The following RBFOX1 variants were observed in gnomAD, a reference collection of about 807,000 sequenced individuals.
RBFOX1 encodes the protein RNA binding protein fox-1 homolog 1.
A neutral mutation model predicts 57.7 loss-of-function variants in RBFOX1; 8 were observed. The observed-to-expected ratio is 0.14, with a 90% CI of 0.08 to 0.25. The LOEUF (loss-of-function observed/expected upper bound fraction) is 0.25. Among genes scored for constraint, RBFOX1 ranks in the 10% least tolerant of loss-of-function variants. RBFOX1 has a pLI of 1.00. For missense variants in RBFOX1, 611 were observed against 548.5 expected (o/e 1.11, Z -1.14); for synonymous variants, 326 against 222.4 (o/e 1.47, Z -4.15).
chr16:5,450,689 A>T (rs1236583157), intron 1 of RBFOX1, among the ~76,000 whole-genome samples: 1 of 152,168 alleles, frequency 6.6e-6, no homozygotes, highest in Non-Finnish European at 1.5e-5. Flanking sequence ...GAAACTTGCC[A>T]CCACCACCGC....
intron 2 of RBFOX1, among the ~76,000 whole-genome samples, chr16:5,584,757 T>G (rs1596345728): frequency 1.3e-5 from 2 of 152,136 alleles, no homozygotes; most frequent in African/African-American, 4.8e-5. Context: ...TGTAGTTCTG[T>G]TACTGCTTGG....
At chr16:6,695,676 A>G (rs1255802982) in intron 3 of RBFOX1, among the ~76,000 whole-genome samples, 1 of 152,072 alleles carries the variant, frequency 6.6e-6, no homozygotes, top group African/African-American at 2.4e-5. Flanking sequence ...TATTGTTAGT[A>G]CTCCATAGAT....
At chr16:7,365,510 G>T (rs148533299) in intron 4 of RBFOX1, among the ~76,000 whole-genome samples, 1 of 152,168 alleles carries the variant, frequency 6.6e-6, no homozygotes, top group Non-Finnish European at 1.5e-5. Context: ...GGGAACATTC[G>T]GAAATGTGTT....
At chr16:5,773,905 G>T (rs1855698286) in intron 3 of RBFOX1, among the ~76,000 whole-genome samples, 1 of 151,980 alleles carries the variant, frequency 6.6e-6, no homozygotes, top group South Asian at 2.1e-4. Context: ...ACCATGTTAG[G>T]TTGGTCTCGA....
Position 6,046,341 on chromosome 16 carries a change from G to T in RBFOX1, c.-127+26349G>T, listed in dbSNP as rs141933276. Among the ~76,000 whole-genome samples the T allele has an allele frequency of 5.8e-4, 89 of 152,258 alleles. 1 individual carries two copies. The highest frequency in any genetic ancestry group is 2.0e-3 in the African/African-American group (83 of 41,544). The stretch of plus-strand genomic sequence containing the variant: ...GCATGAATGACTTCTAGCAAATGCA[G>T]AAATAGTAATGATTTACTCACATGG... On this transcript the variant is annotated intron_variant, in intron 1 of 15. Coordinates refer to ENST00000550418, the MANE Select transcript of RBFOX1 (RefSeq NM_018723.4).
intron 4 of RBFOX1, among the ~76,000 whole-genome samples, chr16:7,314,795 C>T (rs767305401): frequency 2.0e-5 from 3 of 152,178 alleles, no homozygotes; most frequent in Non-Finnish European, 4.4e-5. Context: ...GATAAGTCAA[C>T]AGGAGCTTGA....
intron 4 of RBFOX1, among the ~76,000 whole-genome samples, chr16:7,461,103 C>T (rs980097422): frequency 6.6e-6 from 1 of 152,094 alleles, no homozygotes; most frequent in African/African-American, 2.4e-5. Flanking sequence ...CAGCTGACAA[C>T]TTATGGCAAT....
chr16:7,464,860 C>G (rs936772756), intron 4 of RBFOX1, among the ~76,000 whole-genome samples: 1 of 151,790 alleles, frequency 6.6e-6, no homozygotes, highest in Non-Finnish European at 1.5e-5. Flanking sequence ...CCACGCCTGG[C>G]TAATTTTTTT....
At chr16:6,687,133 G>T (rs572351714) in intron 3 of RBFOX1, among the ~76,000 whole-genome samples, 2 of 152,060 alleles carry the variant, frequency 1.3e-5, no homozygotes, top group Non-Finnish European at 2.9e-5. Context: ...TATTACTTGG[G>T]GCATCCATAG....
chr16:6,919,523 C>G (rs977385862), intron 3 of RBFOX1, among the ~76,000 whole-genome samples: 8 of 151,910 alleles, frequency 5.3e-5, no homozygotes, highest in Admixed American at 2.0e-4. Context: ...ACCATGAAAT[C>G]CCAAGAGAGA....
chr16:7,640,059 C>T (rs536477532), intron 11 of RBFOX1, among the ~76,000 whole-genome samples: 2 of 152,330 alleles, frequency 1.3e-5, no homozygotes, highest in Admixed American at 1.3e-4. Flanking sequence ...TTCTAAGAGG[C>T]TTTTACTAGC....
chr16:5,789,061 C>T (rs7205478), intron 3 of RBFOX1, among the ~76,000 whole-genome samples: 1 of 152,066 alleles, frequency 6.6e-6, no homozygotes. Context: ...GTCCTGGAGT[C>T]CTTGTGCACA....
intron 4 of RBFOX1, among the ~76,000 whole-genome samples, chr16:7,186,246 A>ATATAAG (rs59204834): frequency 1.3e-5 from 1 of 79,520 alleles, no homozygotes. Flanking sequence ...ATTTATATAA[A>ATATAAG]CATAAACATA....
chr16:7,147,238 C>G (rs1433308183), intron 4 of RBFOX1, among the ~76,000 whole-genome samples: 4 of 151,120 alleles, frequency 2.6e-5, no homozygotes, highest in African/African-American at 4.9e-5. Context: ...CTCCTGACCT[C>G]AAGTGATCCG....
At chr16:7,463,110 G>A (rs1277708941) in intron 4 of RBFOX1, among the ~76,000 whole-genome samples, 1 of 152,320 alleles carries the variant, frequency 6.6e-6, no homozygotes, top group Non-Finnish European at 1.5e-5. Flanking sequence ...TAGAGTGAAT[G>A]TCAGGTAAGG....
intron 2 of RBFOX1, among the ~76,000 whole-genome samples, chr16:6,627,729 CT>C (rs1229719394): frequency 1.3e-5 from 2 of 152,178 alleles, no homozygotes; most frequent in African/African-American, 4.8e-5. Context: ...GTCATCCCCC[CT>C]CTGAGGCCGG....
intron 2 of RBFOX1, among the ~76,000 whole-genome samples, chr16:6,435,394 G>A (rs533251964): frequency 2.0e-4 from 31 of 151,444 alleles, no homozygotes; most frequent in East Asian, 1.8e-3. Context: ...TCTGCCTCCC[G>A]CATTAAAGTG....
At chr16:6,888,444 G>C (rs2064648251) in intron 3 of RBFOX1, among the ~76,000 whole-genome samples, 1 of 152,120 alleles carries the variant, frequency 6.6e-6, no homozygotes, top group African/African-American at 2.4e-5. Context: ...TCTTTATATA[G>C]TCACTTACTG....
In RBFOX1 at chr16:7,054,721, A is replaced by G. The variant is rs549485948; in HGVS notation, c.27+2623A>G. 2.9e-3 allele frequency among the ~76,000 whole-genome samples: 437 copies of G among 152,314 alleles called. 3 individuals are homozygous for G. Among genetic ancestry groups the G allele is most frequent in the Non-Finnish European group, 2.3e-3 (156 of 68,020 alleles). ...GTTGAAGGGTAACTGTCTGCAAGCC[A>G]CAATAAAAATGTGTCCTAAGTGCAG... On this transcript the variant is annotated intron_variant, in intron 4 of 15. Transcript: ENST00000550418.
Sources: allele counts gnomAD v4.1 joint callset (sites outside exome capture counted in the v4.1 genomes callset), GRCh38; gene constraint gnomAD v4.1.1; transcripts MANE v1.5; gene names NCBI Gene and HGNC (gene_info 2026-07-23, HGNC 2026-07-21).